The following LRP11 variants were observed in gnomAD, a reference collection of about 807,000 sequenced individuals.
LRP11 encodes low-density lipoprotein receptor-related protein 11.
Under a neutral mutation model 43.1 loss-of-function variants are expected in LRP11, and 25 were observed. That is an observed-to-expected ratio of 0.58 (90% CI 0.42 to 0.81). LRP11 has a LOEUF of 0.81. Among genes scored for constraint, LRP11 ranks in the 30% least tolerant of loss-of-function variants. The pLI, the probability that LRP11 is intolerant of heterozygous loss-of-function variation, is 0.00. For synonymous variants in LRP11, 316 were observed against 299.4 expected (o/e 1.06, Z -0.57); for missense variants, 623 against 665.1 (o/e 0.94, Z 0.70).
chr6:149,849,558 A>C (rs900922059), intron 2 of LRP11, among the ~76,000 whole-genome samples: 2 of 152,132 alleles, frequency 1.3e-5, no homozygotes, highest in Admixed American at 6.6e-5. Context: ...GGAGTTTGAG[A>C]TCAGCCTGGG....
At chr6:149,831,500 G>C (rs921873088) in intron 5 of LRP11, among the ~76,000 whole-genome samples, 1 of 152,226 alleles carries the variant, frequency 6.6e-6, no homozygotes, top group Non-Finnish European at 1.5e-5. Flanking sequence ...GCCTTTACAT[G>C]CTGAGCAAAC....
chr6:149,856,998 G>T (rs1250315757), intron 1 of LRP11, among the ~76,000 whole-genome samples: 1 of 152,138 alleles, frequency 6.6e-6, no homozygotes, highest in African/African-American at 2.4e-5. Context: ...TGATTATTGT[G>T]ATTTTTGGTA....
chr6:149,831,461 A>G (rs1231931593), intron 5 of LRP11, among the ~76,000 whole-genome samples: 1 of 152,236 alleles, frequency 6.6e-6, no homozygotes, highest in Admixed American at 6.5e-5. Context: ...CCCTACGGCT[A>G]TGACCATGGT....
chr6:149,830,984 C>T (rs926029119), intron 5 of LRP11, among the ~76,000 whole-genome samples: 25 of 152,240 alleles, frequency 1.6e-4, no homozygotes, highest in South Asian at 6.2e-4. Flanking sequence ...GCATAAGGAA[C>T]GCCATAGAGA....
At chr6:149,822,336 T>C (rs1311247027) in intron 6 of LRP11, among the ~76,000 whole-genome samples, 1 of 149,300 alleles carries the variant, frequency 6.7e-6, no homozygotes, top group Non-Finnish European at 1.5e-5. Context: ...TAAGGGCCTA[T>C]CTCAAAAAAA....
rs775626484 is a variant in LRP11 at position 149,836,085 on chromosome 6, C to A, written c.1252G>T (p.Asp418Tyr). Residue 418 changes from aspartate to tyrosine, a missense_variant and splice_region_variant, in exon 5 of 7, where the codon GAT becomes TAT. Physicochemically the swap from Asp to Tyr is radical, Grantham distance 160 (BLOSUM62 -3). Transcript: ENST00000239367. ...TTGAGAACCCACCGTGAATCCTTAC[C>A]TGGCATCACAGGAATGATTTGACTC... ...PESQIIPVMP[D>Y]SSSSGKNRKE... 2 of 1,613,218 alleles carry A rather than the reference C, an allele frequency of 1.2e-6. No homozygotes were observed. The highest frequency in any genetic ancestry group is 1.7e-6 in the Non-Finnish European group (2 of 1,179,216).
intron 3 of LRP11, among the ~76,000 whole-genome samples, chr6:149,842,184 T>C (rs1287227667): frequency 7.0e-6 from 1 of 143,570 alleles, no homozygotes; most frequent in Non-Finnish European, 1.5e-5. Flanking sequence ...AGTGACTTAT[T>C]ATATCAGCAA....
intron 5 of LRP11, among the ~76,000 whole-genome samples, chr6:149,833,762 C>T (rs1461916525): frequency 6.6e-6 from 1 of 152,152 alleles, no homozygotes; most frequent in East Asian, 1.9e-4. Context: ...TAACCAAATC[C>T]AAAGGCTGAT....
chr6:149,857,850 G>A (rs2115419528), intron 1 of LRP11, among the ~76,000 whole-genome samples: 1 of 152,244 alleles, frequency 6.6e-6, no homozygotes, highest in South Asian at 2.1e-4. Context: ...TAGGCAGTGG[G>A]CAAGGAGAAC....
chr6:149,837,895 G>A (rs1417254456), intron 3 of LRP11, among the ~76,000 whole-genome samples: 1 of 152,180 alleles, frequency 6.6e-6, no homozygotes, highest in East Asian at 1.9e-4. Context: ...AGTTGGCTAT[G>A]TTTTAACAGA....
rs79536683 is a variant in LRP11, at chr6:149,851,834, A to C, written c.771+1169T>G. On this transcript the variant is annotated intron_variant, in intron 2 of 6. Transcript: ENST00000239367. ...AACTGCCCGAAACTGGGTAATTTACAAAGGAAAGAGGTTTAATTGACTCAT... is the reference window on the plus strand; with the variant it reads ...AACTGCCCGAAACTGGGTAATTTACCAAGGAAAGAGGTTTAATTGACTCAT... Among the ~76,000 whole-genome samples, 948 of 152,320 alleles carry C rather than the reference A, an allele frequency of 6.2e-3. 10 individuals are homozygous for C. Among genetic ancestry groups the C allele is most frequent in the African/African-American group, 0.022 (908 of 41,572 alleles).
intron 6 of LRP11, among the ~76,000 whole-genome samples, chr6:149,825,040 C>T (rs1344293140): frequency 6.6e-6 from 1 of 152,142 alleles, no homozygotes; most frequent in Non-Finnish European, 1.5e-5. Flanking sequence ...TCCAGGAGGC[C>T]AGCAGACCAA....
intron 6 of LRP11, among the ~76,000 whole-genome samples, chr6:149,820,973 C>T (rs1776271505): frequency 6.7e-6 from 1 of 148,642 alleles, no homozygotes; most frequent in African/African-American, 2.5e-5. Context: ...CTCTGTTGCC[C>T]AGGCTGGAGT....
At chr6:149,856,105 T>C (rs917496501) in intron 1 of LRP11, among the ~76,000 whole-genome samples, 10 of 148,380 alleles carry the variant, frequency 6.7e-5, no homozygotes, top group African/African-American at 2.1e-4. Context: ...CTAGCAGCTA[T>C]TTAAACTTTG....
rs367912698 is a variant in LRP11 at position 149,864,270 on chromosome 6, C to A, written c.-250G>T. Reference sequence around the variant, plus strand: ...CTTGCCCTCGCCGGAGACTGCCCAGCGCCCTGCGCCTCTCCGCCCCGGCCT... The same window carrying A: ...CTTGCCCTCGCCGGAGACTGCCCAGAGCCCTGCGCCTCTCCGCCCCGGCCT... On this transcript the variant is annotated 5_prime_UTR_variant, in exon 1 of 7. Coordinates refer to ENST00000239367, the MANE Select transcript of LRP11 (RefSeq NM_032832.6). The A allele has an allele frequency of 8.5e-5, 91 of 1,065,886 alleles. No homozygotes were observed. Among genetic ancestry groups the A allele is most frequent in the Non-Finnish European group, 1.0e-4 (91 of 883,686 alleles). 66.0% of individuals were successfully genotyped at this position (1,065,886 alleles called of 1,614,324 possible).
At chr6:149,832,812 T>A (rs1161496967) in intron 5 of LRP11, among the ~76,000 whole-genome samples, 2 of 149,882 alleles carry the variant, frequency 1.3e-5, no homozygotes, top group African/African-American at 4.9e-5. Context: ...ATTTTTATTT[T>A]TTTATTTTAT....
chr6:149,863,554 G>T lies in LRP11; in HGVS notation c.467C>A (p.Ala156Asp). Reference sequence around the variant, plus strand: ...GTTGAAGAGGTAGCAGCCGAGCACGGCTGCCGGGGGCGCGGGGCGCCGGGG... The same window carrying T: ...GTTGAAGAGGTAGCAGCCGAGCACGTCTGCCGGGGGCGCGGGGCGCCGGGG... ...ELPRRPAPPA[A>D]VLGCYLFNCT... Residue 156 changes from alanine (A) to aspartate (D), a missense_variant, in exon 1 of 7, where the codon GCC becomes GAC. Coordinates refer to ENST00000239367, the MANE Select transcript of LRP11 (RefSeq NM_032832.6). 1 of 1,374,920 alleles carries T rather than the reference G, an allele frequency of 7.3e-7. No homozygotes were observed. Among genetic ancestry groups the T allele is most frequent in the Non-Finnish European group, 9.3e-7 (1 of 1,071,668 alleles). The allele number at this position is 1,374,920 out of a possible 1,614,324, so 85.2% of individuals were successfully genotyped here. A position where few individuals can be genotyped will look rare whatever the true frequency, so the allele number is the denominator to read the frequency against.
rs1327167537 is a variant in LRP11, at chr6:149,818,973, A to G, written c.*1576T>C. ...TTATGGCTATAGTTGACATCTTTCC[A>G]TATAAAAACAAACTGCACAGCATCA... is the stretch of plus-strand genomic sequence containing the variant. On this transcript the variant is annotated 3_prime_UTR_variant, in exon 7 of 7. Coordinates refer to ENST00000239367, the MANE Select transcript of LRP11 (RefSeq NM_032832.6). 1 of 152,638 alleles carries G rather than the reference A, an allele frequency of 6.6e-6. No individual in the cohort carries two copies. The highest frequency in any genetic ancestry group is 1.5e-5 in the Non-Finnish European group (1 of 68,030). 9.5% of individuals were successfully genotyped at this position (152,638 alleles called of 1,614,324 possible).
At chr6:149,835,103 T>C (rs1237821580) in intron 5 of LRP11, among the ~76,000 whole-genome samples, 3 of 152,216 alleles carry the variant, frequency 2.0e-5, no homozygotes, top group Admixed American at 1.3e-4. Context: ...CACATAATCA[T>C]GCAAATAATA....
Sources: allele counts gnomAD v4.1 joint callset (sites outside exome capture counted in the v4.1 genomes callset), GRCh38; gene constraint gnomAD v4.1.1; transcripts MANE v1.5; gene names NCBI Gene and HGNC (gene_info 2026-07-23, HGNC 2026-07-21).